DLEU7: variants seen among roughly 807,000 people sequenced by gnomAD.
The protein encoded by DLEU7 is leukemia-associated protein 7.
A neutral mutation model predicts 16.0 loss-of-function variants in DLEU7; 17 were observed. That is an observed-to-expected ratio of 1.06 (90% CI 0.73 to 1.59). DLEU7 has a LOEUF of 1.59. Ranked by LOEUF, DLEU7 falls within the 40% of genes most tolerant of loss-of-function variation. DLEU7 has a pLI of 0.00. For synonymous variants in DLEU7, 113 were observed against 139.8 expected, an observed-to-expected ratio of 0.81 and a Z score of 1.35; for missense variants, 308 against 314.9, an observed-to-expected ratio of 0.98 and a Z score of 0.17.
intron 1 of DLEU7, among the ~76,000 whole-genome samples, chr13:50,750,372 G>A (rs539081744): frequency 1.3e-5 from 2 of 152,262 alleles, no homozygotes; most frequent in East Asian, 3.9e-4. Flanking sequence ...GTAGTGTGAT[G>A]CCTCCAGATA....
chr13:50,812,280 C>A (rs761691187), intron 1 of DLEU7, among the ~76,000 whole-genome samples: 24 of 152,084 alleles, frequency 1.6e-4, no homozygotes, highest in Non-Finnish European at 2.2e-4. Context: ...GACACTGGAT[C>A]TCAGACCTGA....
At position 50,823,361 on chromosome 13, in the gene DLEU7, C is replaced by G; in HGVS notation, c.619G>C (p.Ala207Pro). The change falls in exon 2 of 2, where the codon GCC becomes CCC. Residue 207 changes from alanine to proline, a missense_variant. Coordinates refer to ENST00000504404, the MANE Select transcript of DLEU7 (RefSeq NM_001306135.2). ...AAGATCTGTCTCAAGGAAGCACAGG[C>G]TACCATGTGGGCATCTGAAGGAAAA... ...ANFPSDAHMV[A>P]CASLRQILQN... is the part of the protein sequence containing the mutation. 1 of 1,535,846 alleles carries G rather than the reference C, an allele frequency of 6.5e-7. No individual in the cohort carries two copies. The highest frequency in any genetic ancestry group is 8.7e-7 in the Non-Finnish European group (1 of 1,146,688).
At chr13:50,834,272 A>C (rs1246041302) in intron 1 of DLEU7, among the ~76,000 whole-genome samples, 1 of 152,194 alleles carries the variant, frequency 6.6e-6, no homozygotes, top group African/African-American at 2.4e-5. Context: ...AATGGGAGAA[A>C]ATTTTTGCAA....
downstream of DLEU7, among the ~76,000 whole-genome samples, chr13:50,818,254 T>TGGGAAAATTGAG (rs1363198231): frequency 6.6e-6 from 1 of 152,044 alleles, no homozygotes; most frequent in African/African-American, 2.4e-5. Flanking sequence ...AAGCACTACA[T>TGGGAAAATTGAG]GGGAAAATTG....
intron 1 of DLEU7, among the ~76,000 whole-genome samples, chr13:50,842,215 G>A (rs1397852139): frequency 1.3e-5 from 2 of 152,168 alleles, no homozygotes; most frequent in African/African-American, 4.8e-5. Context: ...ACAGTGTATA[G>A]TGCAACTTAA....
At chr13:50,728,553 A>AT (rs532029316) in intron 1 of DLEU7, among the ~76,000 whole-genome samples, 45 of 151,060 alleles carry the variant, frequency 3.0e-4, no homozygotes, top group Non-Finnish European at 4.9e-4. Context: ...GGAAAGCCCT[A>AT]TTTTTTTTTC....
At chr13:50,810,187 A>G (rs1400207686) in intron 1 of DLEU7, among the ~76,000 whole-genome samples, 4 of 27,730 alleles carry the variant, frequency 1.4e-4, no homozygotes, top group Admixed American at 5.9e-4. Context: ...AAATTCTGGA[A>G]AAAAAAAAAA....
At chr13:50,718,437 G>T (rs1405098017) in intron 1 of DLEU7, among the ~76,000 whole-genome samples, 1 of 152,182 alleles carries the variant, frequency 6.6e-6, no homozygotes, top group African/African-American at 2.4e-5. Context: ...GAAGACCAAA[G>T]GCTCCCCACT....
chr13:50,820,947 CCAGTGTGCATTTTACATTTTCAG>C (rs1251544924), downstream of DLEU7, among the ~76,000 whole-genome samples: 1 of 151,856 alleles, frequency 6.6e-6, no homozygotes, highest in Non-Finnish European at 1.5e-5. Context: ...TTTTCAAAAG[CCAGTGTGCATTTTACATTTTCAG>C]CACATCTCAA....
intron 1 of DLEU7, among the ~76,000 whole-genome samples, chr13:50,814,761 A>T (rs998626503): frequency 5.1e-5 from 7 of 138,552 alleles, no homozygotes; most frequent in South Asian, 2.4e-4. Flanking sequence ...TATTCATGTG[A>T]GTGTGTGTGT....
intron 1 of DLEU7, among the ~76,000 whole-genome samples, chr13:50,738,663 T>C (rs1874153565): frequency 6.6e-6 from 1 of 152,112 alleles, no homozygotes; most frequent in South Asian, 2.1e-4. Flanking sequence ...ATGAAAAAGA[T>C]ACAAATCTTG....
At chr13:50,767,251 C>T (rs1276903183) in intron 1 of DLEU7, among the ~76,000 whole-genome samples, 3 of 152,032 alleles carry the variant, frequency 2.0e-5, no homozygotes, top group Non-Finnish European at 2.9e-5. Context: ...GTCAGGAGAT[C>T]GAGACCATCC....
intron 1 of DLEU7, chr13:50,715,496 T>G (rs1444186696): frequency 6.6e-6 from 1 of 152,642 alleles, no homozygotes; most frequent in African/African-American, 2.4e-5. Context: ...GGGCGAGAGC[T>G]GGAGAAGTCG....
chr13:50,838,728 C>T (rs1877551171), intron 1 of DLEU7, among the ~76,000 whole-genome samples: 1 of 152,148 alleles, frequency 6.6e-6, no homozygotes, highest in Non-Finnish European at 1.5e-5. Flanking sequence ...CCCAATGTGA[C>T]TGTATTTGGA....
At chr13:50,830,024 G>A (rs1047287928) in intron 1 of DLEU7, among the ~76,000 whole-genome samples, 32 of 152,124 alleles carry the variant, frequency 2.1e-4, no homozygotes, top group African/African-American at 7.2e-4. Context: ...CCTCCCAGCC[G>A]CTTTTATTTA....
intron 1 of DLEU7, among the ~76,000 whole-genome samples, chr13:50,797,938 T>A (rs141312783): frequency 1.8e-4 from 27 of 152,344 alleles, no homozygotes; most frequent in African/African-American, 5.3e-4. Context: ...ATTTAGCCCC[T>A]CTTCTGGGTC....
chr13:50,791,618 AG>A (rs1352045031), intron 1 of DLEU7, among the ~76,000 whole-genome samples: 2 of 152,128 alleles, frequency 1.3e-5, no homozygotes, highest in African/African-American at 2.4e-5. Flanking sequence ...GCAGGGTCAG[AG>A]CCAAGTTTTG....
At chr13:50,777,878 T>C (rs541214848) in intron 1 of DLEU7, among the ~76,000 whole-genome samples, 8 of 152,244 alleles carry the variant, frequency 5.3e-5, no homozygotes, top group South Asian at 2.1e-4. Flanking sequence ...TATTAAGAAA[T>C]ATCTAACTTT....
At chr13:50,722,343 AAGAT>A (rs1484805970) in intron 1 of DLEU7, among the ~76,000 whole-genome samples, 1 of 152,252 alleles carries the variant, frequency 6.6e-6, no homozygotes, top group Non-Finnish European at 1.5e-5. Context: ...TGGGAACACT[AAGAT>A]AGCCATAAAC....
Sources: gnomAD v4.1 joint callset for allele counts (sites outside exome capture counted in the v4.1 genomes callset) on GRCh38, gnomAD v4.1.1 for gene constraint, MANE v1.5 for transcripts, NCBI Gene and HGNC (gene_info 2026-07-23, HGNC 2026-07-21) for gene names.